Variants in AK8 observed in about 807,000 individuals in gnomAD.
The protein encoded by AK8 is ATP-AMP transphosphorylase 8.
AK8 carries 44 observed loss-of-function variants against 54.6 expected under a neutral mutation model. That is an observed-to-expected ratio of 0.81 (90% CI 0.63 to 1.04). The LOEUF (loss-of-function observed/expected upper bound fraction) is 1.04, where lower values mean the gene tolerates loss of function less well. AK8 is among the 50% of genes least tolerant of loss of function. AK8 has a pLI of 0.00. For missense variants in AK8, 555 were observed against 613.6 expected, an observed-to-expected ratio of 0.90 and a Z score of 1.01; for synonymous variants, 239 against 245.6, an observed-to-expected ratio of 0.97 and a Z score of 0.25.
chr9:132,870,507 G>A (rs1843771236), intron 2 of AK8, among the ~76,000 whole-genome samples: 1 of 152,114 alleles, frequency 6.6e-6, no homozygotes, highest in Admixed American at 6.5e-5. Flanking sequence ...TTGGACAAAC[G>A]TTTGATAAAA....
intron 9 of AK8, among the ~76,000 whole-genome samples, chr9:132,819,066 T>A (rs1841461364): frequency 6.6e-6 from 1 of 152,042 alleles, no homozygotes. Flanking sequence ...AATAAAAGGG[T>A]CATTTCACCA....
chr9:132,770,872 G>A lies in AK8; in HGVS notation c.1121+21762C>T, dbSNP rs1838945008. ...TACACCTTCTCTCAGGCCCAGCGGT[G>A]TGGGCCTCCCCAGTCAGGGAGATGC... On this transcript the variant is annotated intron_variant, in intron 11 of 12. Coordinates refer to ENST00000298545, the MANE Select transcript of AK8 (RefSeq NM_152572.3). This position sits in a 1 kb window ranked among gnomAD's most constrained non-coding sequence, Gnocchi z 4.3. Among the ~76,000 whole-genome samples, 1 of 152,162 alleles carries A rather than the reference G, an allele frequency of 6.6e-6. No homozygotes were observed. The highest frequency in any genetic ancestry group is 1.5e-5 in the Non-Finnish European group (1 of 68,030).
intron 2 of AK8, among the ~76,000 whole-genome samples, chr9:132,873,995 G>C (rs1174272505): frequency 2.0e-5 from 3 of 152,144 alleles, no homozygotes; most frequent in Non-Finnish European, 2.9e-5. Context: ...TGGGGAGAAG[G>C]CAAATCAGAC....
rs796531497 is a variant in AK8, at chr9:132,741,660, T to C, written c.1122-14126A>G. Among the ~76,000 whole-genome samples the C allele has an allele frequency of 8.5e-5, 13 of 152,338 alleles. 1 individual carries two copies. The highest frequency in any genetic ancestry group is 3.1e-4 in the African/African-American group (13 of 41,570). Reference sequence around the variant, plus strand: ...TTTCGTTTTTGTTTTTGTTTTGACATCTTTACTGAGCTATAATTCACCCCT... The same window carrying C: ...TTTCGTTTTTGTTTTTGTTTTGACACCTTTACTGAGCTATAATTCACCCCT... On this transcript the variant is annotated intron_variant, in intron 11 of 12. Coordinates refer to ENST00000298545, the MANE Select transcript of AK8 (RefSeq NM_152572.3).
chr9:132,848,719 G>A (rs891359257), intron 5 of AK8, among the ~76,000 whole-genome samples: 2 of 152,198 alleles, frequency 1.3e-5, no homozygotes, highest in African/African-American at 4.8e-5. Context: ...AGTGGGGGGT[G>A]CTGAGGAGGA....
Position 132,755,466 on chromosome 9 carries a change from C to G in AK8, c.1122-27932G>C, listed in dbSNP as rs111866279. 4.9e-3 allele frequency among the ~76,000 whole-genome samples: 750 copies of G among 152,340 alleles called. 5 individuals are homozygous for G. The highest frequency in any genetic ancestry group is 0.017 in the African/African-American group (716 of 41,574). On this transcript the variant is annotated intron_variant, in intron 11 of 12. Coordinates refer to ENST00000298545, the MANE Select transcript of AK8 (RefSeq NM_152572.3). ...AGTAGTTAGCTGTGTCCAAATCTGT[C>G]TGTTCTGCTAGAGGGAAGCTCCTGG...
intron 2 of AK8, among the ~76,000 whole-genome samples, chr9:132,871,711 G>T (rs1843843530): frequency 6.6e-6 from 1 of 152,192 alleles, no homozygotes. Flanking sequence ...AAGGAGCAAG[G>T]GCTCCTTGGA....
In AK8 at chr9:132,837,319, GAA is replaced by G. The variant is rs749147088; in HGVS notation, c.403-8595_403-8594del. ...GGGTGACAGAGCAAGACTCCATCTC[GAA>G]AAAAAAAAAAAAAAAAAGAATGAAA... On this transcript the variant is annotated intron_variant, in intron 5 of 12. Coordinates refer to ENST00000298545, the MANE Select transcript of AK8 (RefSeq NM_152572.3). This position sits in a 1 kb window ranked among gnomAD's most constrained non-coding sequence, Gnocchi z 4.3. 6.6e-4 allele frequency among the ~76,000 whole-genome samples: 59 copies of G among 89,670 alleles called. No homozygotes were observed. Among genetic ancestry groups the G allele is most frequent in the Admixed American group, 7.7e-4 (6 of 7,794 alleles). 58.8% of individuals were successfully genotyped at this position (89,670 alleles called of 152,430 possible). A position where few individuals can be genotyped will look rare whatever the true frequency, so the allele number is the denominator to read the frequency against.
At chr9:132,878,640 C>T, upstream of AK8, 1 of 1,033,650 alleles carries the variant, frequency 9.7e-7, no homozygotes, top group South Asian at 4.6e-5. This position sits in a 1 kb window ranked among gnomAD's most constrained non-coding sequence, Gnocchi z 4.7. Flanking sequence ...CCCTGTGCCT[C>T]AGTTTACCCA....
Position 132,863,781 on chromosome 9 carries a change from GAAGAAAGGA to G in AK8, c.220-12_220-4del, listed in dbSNP as rs1433228026. On this transcript the variant is annotated splice_region_variant and splice_polypyrimidine_tract_variant and intron_variant, in intron 3 of 12. Coordinates refer to ENST00000298545, the MANE Select transcript of AK8 (RefSeq NM_152572.3). ...AGATGTTTGCAGAGCCACATTGCCT[GAAGAAAGGA>G]AAGAAGAAAAGGGCATTTTCATAAA... The G allele has an allele frequency of 3.1e-6, 5 of 1,603,198 alleles. No homozygotes were observed. The South Asian group carries it at 3.3e-5, about 11-fold the overall frequency.
rs143288674 is a variant in AK8 at position 132,767,485 on chromosome 9, G to C, written c.1121+25149C>G. Among the ~76,000 whole-genome samples the C allele has an allele frequency of 4.4e-3, 673 of 152,298 alleles. 3 individuals carry two copies. The highest frequency in any genetic ancestry group is 0.015 in the African/African-American group (644 of 41,562). On this transcript the variant is annotated intron_variant, in intron 11 of 12. Coordinates refer to ENST00000298545, the MANE Select transcript of AK8 (RefSeq NM_152572.3). ...ATGCTGGTGAAGATGTGGAGAAAGT[G>C]GAATGCTAGTACTTTGTTAGCGGGG...
At chr9:132,821,234 G>A (rs865807328) in intron 9 of AK8, among the ~76,000 whole-genome samples, 1 of 151,364 alleles carries the variant, frequency 6.6e-6, no homozygotes, top group Non-Finnish European at 1.5e-5. Flanking sequence ...TTGCTGCCGT[G>A]TTTTCAGACT....
In AK8 at chr9:132,778,869, G is replaced by GA. The variant is rs960595882; in HGVS notation, c.1121+13764dup. The stretch of plus-strand genomic sequence containing the variant: ...TTTCCAGTTTGCTTCAGTTTGAATT[G>GA]AAAAAAAAAAAATTTCCAGTTTTCT... On this transcript the variant is annotated intron_variant, in intron 11 of 12. Transcript: ENST00000298545. 6.9e-3 allele frequency among the ~76,000 whole-genome samples: 1,008 copies of GA among 145,676 alleles called. 9 individuals carry two copies. The highest frequency in any genetic ancestry group is 0.019 in the African/African-American group (755 of 39,890).
rs751227810 is a variant in AK8, at chr9:132,878,190, G to C, written c.66C>G (p.His22Gln). ...CGGTCACCTGCATCAACTCGAAGAT[G>C]TGGTTCTCCTCCCCGTACTGGGGCA... is the stretch of plus-strand genomic sequence containing the variant. ...PEMPQYGEEN[H>Q]IFELMQNMLE... is the part of the protein sequence containing the mutation. The change falls in exon 1 of 13, where the codon CAC becomes CAG. Residue 22 changes from histidine (H) to glutamine (Q), a missense_variant. His to Gln is a conservative substitution (Grantham distance 24, BLOSUM62 0). Transcript: ENST00000298545. The surrounding 1 kb of genome is among the most constrained non-coding windows in gnomAD (Gnocchi z 4.7). 4 of 1,490,648 alleles carry C rather than the reference G, an allele frequency of 2.7e-6. No individual in the cohort carries two copies. The highest frequency in any genetic ancestry group is 2.3e-5 in the Admixed American group (1 of 43,508). 92.3% of individuals were successfully genotyped at this position (1,490,648 alleles called of 1,614,324 possible). A position where few individuals can be genotyped will look rare whatever the true frequency, so the allele number is the denominator to read the frequency against.
chr9:132,805,485 A>G (rs1039785365), intron 10 of AK8, among the ~76,000 whole-genome samples: 8 of 152,230 alleles, frequency 5.3e-5, no homozygotes, highest in African/African-American at 1.9e-4. Flanking sequence ...TGAATCTGGC[A>G]TCACTTACTG....
chr9:132,870,611 GGCGAAGGGGCTGCCA>G (rs1461942183), intron 2 of AK8, among the ~76,000 whole-genome samples: 1 of 152,212 alleles, frequency 6.6e-6, no homozygotes, highest in African/African-American at 2.4e-5. Flanking sequence ...CCTTTCTGGC[GGCGAAGGGGCTGCCA>G]GCCCAAGTGC....
intron 11 of AK8, among the ~76,000 whole-genome samples, chr9:132,779,440 G>A (rs1277151728): frequency 2.6e-5 from 4 of 152,198 alleles, no homozygotes; most frequent in Non-Finnish European, 4.4e-5. Context: ...TCCTACCTCA[G>A]CCTCCCAAGT....
rs1408395067 is a variant in AK8, at chr9:132,790,063, G to A, written c.1121+2571C>T. 2.0e-5 allele frequency among the ~76,000 whole-genome samples: 3 copies of A among 152,170 alleles called. No homozygotes were observed. Among genetic ancestry groups the A allele is most frequent in the Non-Finnish European group, 2.9e-5 (2 of 68,046 alleles). ...AGGGTCAAAATTCTATCTGCCACAA[G>A]CAGTAGAATAATATTCCATGAACGA... On this transcript the variant is annotated intron_variant, in intron 11 of 12. Coordinates refer to ENST00000298545, the MANE Select transcript of AK8 (RefSeq NM_152572.3). This position sits in a 1 kb window ranked among gnomAD's most constrained non-coding sequence, Gnocchi z 4.1.
intron 5 of AK8, among the ~76,000 whole-genome samples, chr9:132,835,026 C>T (rs1030623338): frequency 8.5e-5 from 13 of 152,236 alleles, no homozygotes; most frequent in African/African-American, 2.9e-4. Flanking sequence ...CATGCCACTA[C>T]GCCCAGCTAA....
Sources: gnomAD v4.1 joint callset for allele counts (sites outside exome capture counted in the v4.1 genomes callset) on GRCh38, gnomAD v4.1.1 for gene constraint, Gnocchi (gnomAD v3.1) non-coding constraint, MANE v1.5 for transcripts, NCBI Gene and HGNC (gene_info 2026-07-23, HGNC 2026-07-21) for gene names.